The following SPACA6 variants were observed in gnomAD, a reference collection of about 807,000 sequenced individuals.
SPACA6 encodes the protein sperm acrosome associated 6.
For synonymous variants in SPACA6, 6 were observed against 1.5 expected, an observed-to-expected ratio of 4.05 and a Z score of -2.21; for missense variants, 8 against 2.8, an observed-to-expected ratio of 2.88 and a Z score of -1.34.
chr19:51,690,962 T>G (rs1168538774), upstream of SPACA6, among the ~76,000 whole-genome samples: 2 of 151,688 alleles, frequency 1.3e-5, no homozygotes, highest in African/African-American at 4.8e-5. Context: ...CACCTTGGCC[T>G]GACTCTCGCC....
chr19:51,690,868 G>T (rs1329014332), upstream of SPACA6, among the ~76,000 whole-genome samples: 1 of 151,644 alleles, frequency 6.6e-6, no homozygotes, highest in Non-Finnish European at 1.5e-5. Context: ...CCCGGGGCAT[G>T]CTGGGAACCC....
In SPACA6 at chr19:51,704,379, G is replaced by C; in HGVS notation, c.840G>C (p.Leu280=). The C allele has an allele frequency of 2.5e-6, 1 of 401,142 alleles. No homozygotes were observed. Among genetic ancestry groups the C allele is most frequent in the Non-Finnish European group, 4.4e-6 (1 of 226,254 alleles). The allele number at this position is 401,142 out of a possible 1,614,324, so 24.8% of individuals were successfully genotyped here. A position where few individuals can be genotyped will look rare whatever the true frequency, so the allele number is the denominator to read the frequency against. The change falls in exon 8 of 9, where the codon CTG becomes CTC. Residue 280 remains leucine, a synonymous_variant. Transcript: ENST00000637797. ...TGATCGAGCCCTGGAGGCCCAGCCT[G>C]GGCGAGCTGCTGGCCAGGCCCGAGG... ...AELIEPWRPS[L]GELLARPEAL...
Position 51,694,558 on chromosome 19 carries a change from G to A in SPACA6, c.292+3G>A. 2.5e-6 allele frequency: 1 copy of A among 399,700 alleles called. No individual in the cohort carries two copies. The highest frequency in any genetic ancestry group is 4.4e-6 in the Non-Finnish European group (1 of 226,536). 24.8% of individuals were successfully genotyped at this position (399,700 alleles called of 1,614,324 possible). A position where few individuals can be genotyped will look rare whatever the true frequency, so the allele number is the denominator to read the frequency against. On this transcript the variant is annotated splice_donor_region_variant and intron_variant, in intron 2 of 8. Transcript: ENST00000637797. ...GCAGGAGCTGGCTGCTGCCCAGGGT[G>A]AGTGTGTGGGGATGGGGAGATGGGA...
downstream of SPACA6, among the ~76,000 whole-genome samples, chr19:51,710,226 T>C (rs1374659177): frequency 6.6e-6 from 1 of 152,266 alleles, no homozygotes; most frequent in African/African-American, 2.4e-5. Flanking sequence ...CTTTGTTTAC[T>C]TGACTAAGAG....
downstream of SPACA6, among the ~76,000 whole-genome samples, chr19:51,708,202 C>G (rs888008854): frequency 1.3e-5 from 2 of 152,142 alleles, no homozygotes; most frequent in Non-Finnish European, 2.9e-5. Flanking sequence ...ACAAACGATG[C>G]TGTTATCACC....
intron 2 of SPACA6, among the ~76,000 whole-genome samples, chr19:51,695,621 A>C (rs943170052): frequency 1.3e-5 from 2 of 152,056 alleles, no homozygotes; most frequent in African/African-American, 4.8e-5. Context: ...GAGGCCCTAA[A>C]CCTCTCCATG....
chr19:51,686,196 G>A (rs959906647), upstream of SPACA6: 13 of 152,294 alleles, frequency 8.5e-5, no homozygotes, highest in African/African-American at 3.1e-4. Context: ...TGGGAATTAT[G>A]GTCACTGTTC....
At chr19:51,683,670 C>T in the SPACA6 span, among the ~76,000 whole-genome samples, 1 of 152,200 alleles carries the variant, frequency 6.6e-6, no homozygotes, top group African/African-American at 2.4e-5. Context: ...AATTTGTAGG[C>T]ATAACATTCG....
chr19:51,693,436 G>C lies in SPACA6; in HGVS notation c.-91G>C. The C allele has an allele frequency of 1.7e-6, 1 of 604,770 alleles. No individual in the cohort carries two copies. The highest frequency in any genetic ancestry group is 3.2e-6 in the Non-Finnish European group (1 of 313,678). The allele number at this position is 604,770 out of a possible 1,614,324, so 37.5% of individuals were successfully genotyped here. On this transcript the variant is annotated 5_prime_UTR_variant, in exon 1 of 9. Transcript: ENST00000637797. ...GACATTTGACCACCAACTGAAACCTGACCTCTGACCCCAGACCACTGGCCC... is the reference window on the plus strand; with the variant it reads ...GACATTTGACCACCAACTGAAACCTCACCTCTGACCCCAGACCACTGGCCC...
chr19:51,700,221 G>A (rs143375545), intron 2 of SPACA6, among the ~76,000 whole-genome samples: 1,901 of 152,150 alleles, frequency 0.012, 38 homozygotes, highest in African/African-American at 0.041. Flanking sequence ...ACCACTGTAC[G>A]CCAGCCTGGG....
At chr19:51,702,221 C>T (rs2083473925) in intron 3 of SPACA6, among the ~76,000 whole-genome samples, 1 of 151,522 alleles carries the variant, frequency 6.6e-6, no homozygotes, top group Non-Finnish European at 1.5e-5. Flanking sequence ...CCAACTGAGC[C>T]CCTTTCCGGG....
At chr19:51,701,441 G>C (rs1172824800) in intron 2 of SPACA6, among the ~76,000 whole-genome samples, 1 of 152,132 alleles carries the variant, frequency 6.6e-6, no homozygotes, top group East Asian at 1.9e-4. Context: ...GGACTTGTTA[G>C]CCTTCAACTA....
At chr19:51,694,404 A>G (rs1235741668) in intron 1 of SPACA6, 74 bp from the exon 2 acceptor site, 3 of 398,202 alleles carry the variant, frequency 7.5e-6, no homozygotes, top group Non-Finnish European at 1.3e-5. Flanking sequence ...ACTCAGAAAC[A>G]GAATGTTCGC....
At chr19:51,712,413 T>C (rs1328624063), downstream of SPACA6, 1 of 152,218 alleles carries the variant, frequency 6.6e-6, no homozygotes. Context: ...GAAATAGAAA[T>C]GGAACAGTTG....
intron 2 of SPACA6, among the ~76,000 whole-genome samples, chr19:51,696,734 C>T (rs1600137972): frequency 6.6e-6 from 1 of 152,174 alleles, no homozygotes; most frequent in African/African-American, 2.4e-5. Flanking sequence ...CAGGCATGAA[C>T]TACCGTACCT....
intron 1 of SPACA6, chr19:51,694,134 GGA>G: frequency 3.6e-6 from 1 of 277,756 alleles, no homozygotes. Flanking sequence ...TGGAGAGTCA[GGA>G]GAGGTTGGAG....
chr19:51,703,858 T>C lies in SPACA6; in HGVS notation c.574-172T>C, dbSNP rs554297477. 1 of 393,208 alleles carries C rather than the reference T, an allele frequency of 2.5e-6. No individual in the cohort carries two copies. Among genetic ancestry groups the C allele is most frequent in the Admixed American group, 4.5e-5 (1 of 22,296 alleles). The allele number at this position is 393,208 out of a possible 1,614,324, so 24.4% of individuals were successfully genotyped here. A position where few individuals can be genotyped will look rare whatever the true frequency, so the allele number is the denominator to read the frequency against. ...TAGGGGTAGGTTATGCGTAAGGGTT[T>C]AAGGAGTGAGGGGAAGGGGTGCGTT... On this transcript the variant is annotated intron_variant, in intron 6 of 8. Coordinates refer to ENST00000637797, the MANE Select transcript of SPACA6 (RefSeq NM_001316972.2). The surrounding 1 kb of genome is among the most constrained non-coding windows in gnomAD (Gnocchi z 4.2).
chr19:51,699,496 C>T (rs546820055), intron 2 of SPACA6, among the ~76,000 whole-genome samples: 36 of 152,320 alleles, frequency 2.4e-4, no homozygotes, highest in African/African-American at 8.7e-4. Context: ...GCTAGGACCA[C>T]TGTAACAAAG....
chr19:51,687,841 G>T (rs1005274263), upstream of SPACA6: 2 of 152,424 alleles, frequency 1.3e-5, no homozygotes, highest in African/African-American at 4.8e-5. Context: ...GACTCAGGGA[G>T]TTGTAGTTTT....
Sources: allele counts gnomAD v4.1 joint callset (sites outside exome capture counted in the v4.1 genomes callset), GRCh38; gene constraint gnomAD v4.1.1; non-coding constraint Gnocchi (gnomAD v3.1); transcripts MANE v1.5; gene names NCBI Gene and HGNC (gene_info 2026-07-23, HGNC 2026-07-21).